Variants in FBXO42 observed in about 807,000 individuals in gnomAD.
FBXO42 encodes the protein F-box protein 42.
A neutral mutation model predicts 71.7 loss-of-function variants in FBXO42; 12 were observed. The observed-to-expected ratio is 0.17, with a 90% CI of 0.11 to 0.27. The LOEUF (loss-of-function observed/expected upper bound fraction) is 0.27. Among genes scored for constraint, FBXO42 ranks in the 10% least tolerant of loss-of-function variants. The pLI, the probability that FBXO42 is intolerant of heterozygous loss-of-function variation, is 1.00. For missense variants in FBXO42, 707 were observed against 911.9 expected (o/e 0.78, Z 2.89); for synonymous variants, 325 against 327.5 (o/e 0.99, Z 0.08).
At chr1:16,346,213 A>G (rs749839478) in intron 1 of FBXO42, among the ~76,000 whole-genome samples, 3 of 152,162 alleles carry the variant, frequency 2.0e-5, no homozygotes, top group Middle Eastern at 3.2e-3. Flanking sequence ...TAAACACCCT[A>G]CCTTATTAGA....
chr1:16,285,327 G>A (rs1053319701), intron 4 of FBXO42, among the ~76,000 whole-genome samples: 3 of 151,818 alleles, frequency 2.0e-5, no homozygotes, highest in African/African-American at 7.3e-5. Flanking sequence ...AGGCTGGAGT[G>A]CAATGGTGCA....
chr1:16,268,648 A>C (rs1392361951), intron 4 of FBXO42, among the ~76,000 whole-genome samples: 1 of 152,068 alleles, frequency 6.6e-6, no homozygotes, highest in Non-Finnish European at 1.5e-5. Context: ...ACTCCTTCTT[A>C]ATCAAAAGCA....
chr1:16,259,454 TA>T lies in FBXO42; in HGVS notation c.503-2696del, dbSNP rs562422690. Among the ~76,000 whole-genome samples the T allele has an allele frequency of 7.9e-5, 12 of 152,252 alleles. No individual in the cohort carries two copies. The East Asian group carries it at 2.1e-3, about 27-fold the overall frequency. On this transcript the variant is annotated intron_variant, in intron 4 of 9. Coordinates refer to ENST00000375592, the MANE Select transcript of FBXO42 (RefSeq NM_018994.3). ...TGAGATACTGGGCTTAAAGAAATTATAAATGCAGTATAAGAATATATACCTC... is the reference window on the plus strand; with the variant it reads ...TGAGATACTGGGCTTAAAGAAATTATAATGCAGTATAAGAATATATACCTC...
At chr1:16,301,232 T>C (rs558040530) in intron 3 of FBXO42, among the ~76,000 whole-genome samples, 31 of 152,254 alleles carry the variant, frequency 2.0e-4, no homozygotes, top group African/African-American at 7.2e-4. Context: ...CCTGACTTTT[T>C]TGTCCCAGAC....
At chr1:16,327,474 T>G (rs1008776937) in intron 1 of FBXO42, among the ~76,000 whole-genome samples, 2 of 152,178 alleles carry the variant, frequency 1.3e-5, no homozygotes, top group African/African-American at 4.8e-5. Context: ...ACAAAAATGC[T>G]AACTTTTAAT....
chr1:16,303,789 A>T (rs2082221626), intron 3 of FBXO42, among the ~76,000 whole-genome samples: 1 of 152,062 alleles, frequency 6.6e-6, no homozygotes, highest in Admixed American at 6.6e-5. Context: ...TCTGTCACCG[A>T]GGCTAGAGTG....
intron 4 of FBXO42, among the ~76,000 whole-genome samples, chr1:16,282,379 C>A (rs2081973550): frequency 6.6e-6 from 1 of 151,774 alleles, no homozygotes. Context: ...GCGCCCACCA[C>A]CATGCCCAGC....
chr1:16,286,502 A>C (rs991692770), intron 4 of FBXO42, among the ~76,000 whole-genome samples: 2 of 152,138 alleles, frequency 1.3e-5, no homozygotes, highest in Non-Finnish European at 2.9e-5. Flanking sequence ...AACCACCCCC[A>C]TGATCCAATT....
At chr1:16,266,661 G>C (rs929797195) in intron 4 of FBXO42, among the ~76,000 whole-genome samples, 4 of 152,124 alleles carry the variant, frequency 2.6e-5, no homozygotes, top group African/African-American at 4.8e-5. Context: ...CGTGTGTATG[G>C]GGGGTGGGAA....
intron 4 of FBXO42, among the ~76,000 whole-genome samples, chr1:16,265,067 C>T (rs1227792162): frequency 6.6e-6 from 1 of 152,112 alleles, no homozygotes; most frequent in African/African-American, 2.4e-5. Flanking sequence ...ATTGGGGATG[C>T]CTGTATTTTA....
intron 4 of FBXO42, among the ~76,000 whole-genome samples, chr1:16,271,367 G>A (rs1406422414): frequency 1.3e-5 from 2 of 150,624 alleles, no homozygotes; most frequent in African/African-American, 2.4e-5. Context: ...TGCAACCTTC[G>A]CCTCCTAGGT....
chr1:16,342,724 T>C (rs1256952871), intron 1 of FBXO42, among the ~76,000 whole-genome samples: 4 of 152,128 alleles, frequency 2.6e-5, no homozygotes, highest in Admixed American at 2.6e-4. Context: ...AAAACTCATG[T>C]GGAAATTTGA....
chr1:16,261,886 G>A lies in FBXO42; in HGVS notation c.503-5127C>T, dbSNP rs376854339. On this transcript the variant is annotated intron_variant, in intron 4 of 9. Coordinates refer to ENST00000375592, the MANE Select transcript of FBXO42 (RefSeq NM_018994.3). ...GCTCAAGCTAATTTTTTTTATTGTT[G>A]TATTTTTAGTAGAGGCAGGGTTTCA... 1.6e-3 allele frequency among the ~76,000 whole-genome samples: 238 copies of A among 151,932 alleles called. 8 individuals carry two copies. The South Asian group carries it at 0.049, about 31-fold the overall frequency.
intron 3 of FBXO42, among the ~76,000 whole-genome samples, chr1:16,298,910 C>A (rs1273904031): frequency 1.3e-5 from 2 of 152,200 alleles, no homozygotes; most frequent in Admixed American, 6.5e-5. Flanking sequence ...GGGTTTGTTA[C>A]GTCTCCCAGT....
At position 16,251,586 on chromosome 1, in the gene FBXO42, G is replaced by A. The variant is rs1218678845; in HGVS notation, c.1238C>T (p.Pro413Leu). The A allele has an allele frequency of 6.2e-7, 1 of 1,614,174 alleles. No homozygotes were observed. The highest frequency in any genetic ancestry group is 8.5e-7 in the Non-Finnish European group (1 of 1,180,024). ...TGAAGGAGTCTGCCTTTGAGCCCTG[G>A]GTCTCAGTGTTCCCCAGCGGCCGTT... Reference protein sequence around the residue: ...CVNGRWGTLRPRAQRQTPSGS... With the variant: ...CVNGRWGTLRLRAQRQTPSGS... Residue 413 changes from proline (P) to leucine (L), a missense_variant, in exon 10 of 10, where the codon CCC (proline) becomes CTC (leucine). Around this residue, in one of 5 missense-constraint regions of FBXO42, gnomAD observed 482 missense variants for 587.1 expected, o/e 0.82. Transcript: ENST00000375592. This position sits in a 1 kb window ranked among gnomAD's most constrained non-coding sequence, Gnocchi z 4.5.
At chr1:16,307,711 GA>G (rs1051069935) in intron 2 of FBXO42, among the ~76,000 whole-genome samples, 3 of 152,074 alleles carry the variant, frequency 2.0e-5, no homozygotes, top group Non-Finnish European at 4.4e-5. Context: ...ACCAAAAAAT[GA>G]AATACTTAGA....
At chr1:16,340,972 AGTAAAGCATTATTTACTAAT>A (rs908595454) in intron 1 of FBXO42, among the ~76,000 whole-genome samples, 7 of 152,186 alleles carry the variant, frequency 4.6e-5, no homozygotes, top group Non-Finnish European at 1.0e-4. Context: ...AAAAATCAGC[AGTAAAGCATTATTTACTAAT>A]GTCCATCAAA....
chr1:16,339,600 C>G (rs1438799272), intron 1 of FBXO42, among the ~76,000 whole-genome samples: 1 of 152,282 alleles, frequency 6.6e-6, no homozygotes, highest in South Asian at 2.1e-4. Context: ...CATGAGCCAC[C>G]ACACCCAGCC....
Position 16,331,617 on chromosome 1 carries a change from T to A in FBXO42, c.-17-16182A>T, listed in dbSNP as rs1057405171. Among the ~76,000 whole-genome samples the A allele has an allele frequency of 2.0e-5, 3 of 150,196 alleles. 1 individual carries two copies. In the Admixed American group the frequency reaches 2.0e-4, roughly 10 times the overall value. On this transcript the variant is annotated intron_variant, in intron 1 of 9. Transcript: ENST00000375592. Reference sequence around the variant, plus strand: ...TAAAAATACAAAAATTAGCCCAGCCTGGTGGTGGGCACCTATAATCCCAGC... The same window carrying A: ...TAAAAATACAAAAATTAGCCCAGCCAGGTGGTGGGCACCTATAATCCCAGC...
Sources: allele counts gnomAD v4.1 joint callset (sites outside exome capture counted in the v4.1 genomes callset), GRCh38; gene constraint gnomAD v4.1.1; regional missense constraint gnomAD v4.1.1; non-coding constraint Gnocchi (gnomAD v3.1); transcripts MANE v1.5; gene names NCBI Gene and HGNC (gene_info 2026-07-23, HGNC 2026-07-21).